The following GPALPP1 variants were observed in gnomAD, a reference collection of about 807,000 sequenced individuals.
The protein encoded by GPALPP1 is GPALPP motifs-containing protein 1.
In GPALPP1, 30 loss-of-function variants were observed where a neutral mutation model predicts 38.9. The observed-to-expected ratio is 0.77, with a 90% CI of 0.58 to 1.05. GPALPP1 has a LOEUF of 1.05. Ranked by LOEUF, GPALPP1 falls within the 50% of genes least tolerant of loss-of-function variation. The pLI, the probability that GPALPP1 is intolerant of heterozygous loss-of-function variation, is 0.00. For synonymous variants in GPALPP1, 120 were observed against 139.2 expected (o/e 0.86, Z 0.97); for missense variants, 384 against 408.8 (o/e 0.94, Z 0.52).
At chr13:45,012,518 TGG>T (rs973431867) in intron 4 of GPALPP1, among the ~76,000 whole-genome samples, 1 of 152,198 alleles carries the variant, frequency 6.6e-6, no homozygotes, top group African/African-American at 2.4e-5. Flanking sequence ...AATAAAAAAT[TGG>T]GGAAAAAAAT....
intron 1 of GPALPP1, among the ~76,000 whole-genome samples, chr13:45,003,601 A>C (rs1425069720): frequency 6.6e-6 from 1 of 152,178 alleles, no homozygotes; most frequent in Non-Finnish European, 1.5e-5. Context: ...TGTCTGTGTG[A>C]CATCATCAGT....
exon 8 of GPALPP1, chr13:45,037,221 T>C (rs1441904524): frequency 6.6e-6 from 1 of 152,252 alleles, no homozygotes. Flanking sequence ...TAGTTTTATC[T>C]TCATACAATC....
chr13:45,021,883 T>C (rs1875456985), intron 7 of GPALPP1, among the ~76,000 whole-genome samples: 1 of 152,166 alleles, frequency 6.6e-6, no homozygotes, highest in Non-Finnish European at 1.5e-5. Flanking sequence ...GCATTTCTTA[T>C]CAAACTAAAC....
chr13:45,017,018 CAGTTCTG>C (rs1874922636), intron 6 of GPALPP1, among the ~76,000 whole-genome samples: 1 of 152,216 alleles, frequency 6.6e-6, no homozygotes. Flanking sequence ...ATAAATTCAT[CAGTTCTG>C]ACTAAAGCAG....
rs71759613 is a variant in GPALPP1 at position 45,005,086 on chromosome 13, C to CTTTTTTTTTTTTT, written c.221+667_221+679dup. ...TTTCTTTAAATAAACTAATGGTTTT[C>CTTTTTTTTTTTTT]TTTTTTTTTTTTTTTTTTTTTTTTT... On this transcript the variant is annotated intron_variant, in intron 2 of 7. Transcript: ENST00000379151. The CTTTTTTTTTTTTT allele has an allele frequency of 2.4e-4, 14 of 57,534 alleles. 1 individual carries two copies. Among genetic ancestry groups the CTTTTTTTTTTTTT allele is most frequent in the African/African-American group, 4.4e-4 (7 of 15,750 alleles). The allele number at this position is 57,534 out of a possible 1,614,324, so 3.6% of individuals were successfully genotyped here. A position where few individuals can be genotyped will look rare whatever the true frequency, so the allele number is the denominator to read the frequency against.
intron 2 of GPALPP1, 51 bp from the exon 3 acceptor site, chr13:45,006,151 G>A (rs1249245400): frequency 2.0e-6 from 2 of 1,021,026 alleles, no homozygotes; most frequent in East Asian, 2.5e-5. Context: ...ATGTGCTTTT[G>A]TGAAAAAAAT....
At chr13:45,012,475 T>G (rs540926008) in intron 4 of GPALPP1, among the ~76,000 whole-genome samples, 4 of 152,344 alleles carry the variant, frequency 2.6e-5, no homozygotes, top group South Asian at 2.1e-4. Flanking sequence ...TGCACTCATC[T>G]TAGCACTTTT....
intron 4 of GPALPP1, 83 bp from the exon 5 acceptor site, chr13:45,014,869 C>T (rs1357388216): frequency 1.9e-6 from 2 of 1,036,164 alleles, no homozygotes; most frequent in African/African-American, 1.6e-5. Flanking sequence ...TAATAAGTTT[C>T]AGTTAAATGC....
chr13:44,999,477 T>G (rs1873513488), intron 1 of GPALPP1, among the ~76,000 whole-genome samples: 1 of 152,212 alleles, frequency 6.6e-6, no homozygotes, highest in African/African-American at 2.4e-5. Flanking sequence ...TTTTTTGAGA[T>G]TATTCATAGT....
At chr13:45,001,804 C>T (rs1357660817) in intron 1 of GPALPP1, 1 of 152,364 alleles carries the variant, frequency 6.6e-6, no homozygotes, top group African/African-American at 2.4e-5. Flanking sequence ...GCCTCAGCCT[C>T]CTGAGTAGCT....
rs566470579 is a variant in GPALPP1 at position 45,008,438 on chromosome 13, C to A, written c.324-357C>A. On this transcript the variant is annotated intron_variant, in intron 3 of 7. Transcript: ENST00000379151. Reference sequence around the variant, plus strand: ...TCAAAACTGAAGGAAAGCCAAGGCACAAAATAAAAAAAGACCATCACAGAT... The same window carrying A: ...TCAAAACTGAAGGAAAGCCAAGGCAAAAAATAAAAAAAGACCATCACAGAT... 5.3e-5 allele frequency among the ~76,000 whole-genome samples: 8 copies of A among 152,012 alleles called. No homozygotes were observed. In the South Asian group the frequency reaches 1.7e-3, roughly 32 times the overall value.
chr13:45,024,362 C>T (rs974826109), intron 7 of GPALPP1, among the ~76,000 whole-genome samples: 7 of 151,224 alleles, frequency 4.6e-5, no homozygotes, highest in African/African-American at 1.5e-4. Flanking sequence ...TGCAGTGGCG[C>T]GATCTCGGCT....
chr13:44,990,289 G>A (rs1399219016), intron 1 of GPALPP1: 2 of 207,454 alleles, frequency 9.6e-6, no homozygotes, highest in South Asian at 1.9e-4. Flanking sequence ...TCCAGTCTGA[G>A]TTGCTGCGCA....
chr13:45,015,388 C>T (rs764366308), intron 5 of GPALPP1, 44 bp from the exon 6 acceptor site: 9 of 1,253,048 alleles, frequency 7.2e-6, no homozygotes, highest in Non-Finnish European at 9.9e-6. Context: ...TCATCTTATA[C>T]ACGATATGTA....
chr13:45,011,638 T>C (rs1874485757), intron 4 of GPALPP1, among the ~76,000 whole-genome samples: 1 of 152,162 alleles, frequency 6.6e-6, no homozygotes, highest in African/African-American at 2.4e-5. Flanking sequence ...TTGAATTATC[T>C]CCACCTGGTC....
chr13:45,012,118 A>T (rs1315486951), intron 4 of GPALPP1, among the ~76,000 whole-genome samples: 1 of 152,202 alleles, frequency 6.6e-6, no homozygotes, highest in Non-Finnish European at 1.5e-5. Flanking sequence ...AGAATCTGGG[A>T]ACAGGAGCCC....
rs759548399 is a variant in GPALPP1, at chr13:45,008,781, AT to A, written c.324-10del. On this transcript the variant is annotated splice_polypyrimidine_tract_variant and intron_variant, in intron 3 of 7. Transcript: ENST00000379151. ...AAGTCAGGGAGAATGATAAAAGTAC[AT>A]TTTATTTTTCAGGCCCATAATAGGT... 1.4e-6 allele frequency: 2 copies of A among 1,401,700 alleles called. No individual in the cohort carries two copies. The highest frequency in any genetic ancestry group is 1.2e-5 in the South Asian group (1 of 85,108). The allele number at this position is 1,401,700 out of a possible 1,614,324, so 86.8% of individuals were successfully genotyped here. A position where few individuals can be genotyped will look rare whatever the true frequency, so the allele number is the denominator to read the frequency against.
At chr13:45,019,215 T>G (rs193239824) in intron 6 of GPALPP1, among the ~76,000 whole-genome samples, 2,622 of 150,658 alleles carry the variant, frequency 0.017, 30 homozygotes, top group Non-Finnish European at 0.027. Flanking sequence ...TGGCACCATC[T>G]CAGTTCAATG....
chr13:44,994,987 G>T (rs1460260998), intron 1 of GPALPP1, among the ~76,000 whole-genome samples: 1 of 151,892 alleles, frequency 6.6e-6, no homozygotes, highest in African/African-American at 2.4e-5. Context: ...CTAAGTAGCT[G>T]GGATACAGGC....
Sources: gnomAD v4.1 joint callset for allele counts (sites outside exome capture counted in the v4.1 genomes callset) on GRCh38, gnomAD v4.1.1 for gene constraint, MANE v1.5 for transcripts, NCBI Gene and HGNC (gene_info 2026-07-23, HGNC 2026-07-21) for gene names.